PYROXD2: variants seen among roughly 807,000 people sequenced by gnomAD.
The protein encoded by PYROXD2 is pyridine nucleotide-disulphide oxidoreductase domain 2.
In PYROXD2, 69 loss-of-function variants were observed where a neutral mutation model predicts 71.1. That is an observed-to-expected ratio of 0.97 (90% CI 0.80 to 1.19). The LOEUF is 1.19. PYROXD2 is among the 50% of genes most tolerant of loss of function. PYROXD2 has a pLI of 0.00. For synonymous variants in PYROXD2, 287 were observed against 302.7 expected (o/e 0.95, Z 0.54); for missense variants, 745 against 748.9 (o/e 0.99, Z 0.06).
intron 3 of PYROXD2, 62 bp from the exon 4 acceptor site, chr10:98,407,717 G>A (rs971669639): frequency 6.5e-7 from 1 of 1,539,632 alleles, no homozygotes; most frequent in Non-Finnish European, 8.8e-7. Context: ...CCGTCACCAG[G>A]GGTCAGCAGG....
At chr10:98,392,247 C>G (rs759961636) in intron 10 of PYROXD2, among the ~76,000 whole-genome samples, 185 bp downstream of exon 10, 4 of 152,150 alleles carry the variant, frequency 2.6e-5, no homozygotes, top group African/African-American at 7.2e-5. Flanking sequence ...CTCTCTGGCC[C>G]CTTCTCCCCA....
Position 98,387,239 on chromosome 10 carries a change from G to A in PYROXD2, c.1516C>T (p.Pro506Ser). 1 of 1,614,168 alleles carries A rather than the reference G, an allele frequency of 6.2e-7. No homozygotes were observed. The highest frequency in any genetic ancestry group is 8.5e-7 in the Non-Finnish European group (1 of 1,180,010). ...DSVVGRDILT[P>S]PDLERIFGLP... ...CCGAAGATTCTCTCCAAATCTGGTG[G>A]TGTGAGGATGTCTCTGCCAACCACA... Residue 506 changes from proline to serine, a missense_variant, in exon 14 of 16, where the codon CCA (proline) becomes TCA (serine). Pro to Ser is a moderately conservative substitution (Grantham distance 74). Coordinates refer to ENST00000370575, the MANE Select transcript of PYROXD2 (RefSeq NM_032709.3).
intron 3 of PYROXD2, 91 bp from the exon 4 acceptor site, chr10:98,407,746 G>C (rs1326960996): frequency 1.6e-6 from 2 of 1,275,458 alleles, no homozygotes; most frequent in Admixed American, 4.6e-5. Context: ...CCGTCACCAG[G>C]GGTCAGCAGG....
chr10:98,405,415 G>A (rs1378144474), intron 4 of PYROXD2, among the ~76,000 whole-genome samples: 2 of 152,312 alleles, frequency 1.3e-5, no homozygotes, highest in Non-Finnish European at 2.9e-5. Context: ...GTGGCAGGGT[G>A]GGTGAGTAGT....
intron 5 of PYROXD2, among the ~76,000 whole-genome samples, chr10:98,399,790 C>T (rs189083132): frequency 1.3e-5 from 2 of 152,356 alleles, no homozygotes; most frequent in East Asian, 1.9e-4. Context: ...ATGAAGCACA[C>T]GCCAGTGTAA....
intron 14 of PYROXD2, 71 bp downstream of exon 14, chr10:98,387,130 A>G: frequency 8.8e-7 from 1 of 1,142,182 alleles, no homozygotes; most frequent in Middle Eastern, 2.0e-4. Flanking sequence ...GATAAAGCAG[A>G]GAGGTCATAG....
rs572201401 is a variant in PYROXD2 at position 98,397,471 on chromosome 10, G to A, written c.499C>T (p.His167Tyr). The change falls in exon 6 of 16, where the codon CAT (histidine) becomes TAT (tyrosine). Residue 167 changes from histidine to tyrosine, a missense_variant. Coordinates refer to ENST00000370575, the MANE Select transcript of PYROXD2 (RefSeq NM_032709.3). ...QVFPKYEEFM[H>Y]RLALAIDPLL... Reference sequence around the variant, plus strand: ...GGGTCAATGGCTAATGCCAAGCGATGCATGAACTCCTCATATTTGGGAAAG... The same window carrying A: ...GGGTCAATGGCTAATGCCAAGCGATACATGAACTCCTCATATTTGGGAAAG... 2.5e-6 allele frequency: 4 copies of A among 1,609,432 alleles called. No homozygotes were observed. The highest frequency in any genetic ancestry group is 1.1e-5 in the South Asian group (1 of 90,556).
chr10:98,393,817 G>C (rs1465729723), intron 8 of PYROXD2, among the ~76,000 whole-genome samples: 1 of 152,066 alleles, frequency 6.6e-6, no homozygotes, highest in Non-Finnish European at 1.5e-5. Context: ...TCTTCTAGCA[G>C]GCACTCCAGC....
intron 8 of PYROXD2, among the ~76,000 whole-genome samples, chr10:98,394,969 T>C (rs188948646): frequency 1.3e-5 from 2 of 152,222 alleles, no homozygotes; most frequent in Admixed American, 1.3e-4. Flanking sequence ...CCTTGCCACT[T>C]ACCAGCTGAG....
chr10:98,414,713 G>A, intron 1 of PYROXD2: 1 of 331,050 alleles, frequency 3.0e-6, no homozygotes, highest in Non-Finnish European at 5.5e-6. Flanking sequence ...AAGAGATATA[G>A]GGAAACCCCT....
At position 98,404,941 on chromosome 10, in the gene PYROXD2, G is replaced by A. The variant is rs1843545067; in HGVS notation, c.315+2641C>T. Reference sequence around the variant, plus strand: ...GAGCCCTACCTTAGAGAGATTTCCAGGAGAAAAGCAAGAGCAAAATGAATA... The same window carrying A: ...GAGCCCTACCTTAGAGAGATTTCCAAGAGAAAAGCAAGAGCAAAATGAATA... On this transcript the variant is annotated intron_variant, in intron 4 of 15. Coordinates refer to ENST00000370575, the MANE Select transcript of PYROXD2 (RefSeq NM_032709.3). Among the ~76,000 whole-genome samples the A allele has an allele frequency of 5.3e-5, 8 of 152,166 alleles. No homozygotes were observed. The South Asian group carries it at 1.7e-3, about 32-fold the overall frequency.
At chr10:98,398,164 T>C (rs1189049512) in intron 5 of PYROXD2, among the ~76,000 whole-genome samples, 1 of 152,172 alleles carries the variant, frequency 6.6e-6, no homozygotes, top group Non-Finnish European at 1.5e-5. Context: ...ATTACAGGCG[T>C]GAGCCGCCAC....
rs1021678641 is a variant in PYROXD2 at position 98,388,040 on chromosome 10, T to A, written c.1447+314A>T. 51 of 304,898 alleles carry A rather than the reference T, an allele frequency of 1.7e-4. 1 individual carries two copies. Among genetic ancestry groups the A allele is most frequent in the Non-Finnish European group, 2.9e-4 (46 of 160,810 alleles). The allele number at this position is 304,898 out of a possible 1,614,324, so 18.9% of individuals were successfully genotyped here. ...TCCCTTCCTTTGAAAGCCTTCCTTG[T>A]CTCTCTGGCTCATGCGTCTCCTTTG... On this transcript the variant is annotated intron_variant, in intron 13 of 15. Coordinates refer to ENST00000370575, the MANE Select transcript of PYROXD2 (RefSeq NM_032709.3).
At chr10:98,399,044 G>C (rs1843298288) in intron 5 of PYROXD2, among the ~76,000 whole-genome samples, 1 of 152,156 alleles carries the variant, frequency 6.6e-6, no homozygotes, top group African/African-American at 2.4e-5. Flanking sequence ...AGGTGGCTGA[G>C]GCAGGAGGAT....
intron 8 of PYROXD2, among the ~76,000 whole-genome samples, chr10:98,394,939 C>T (rs1843105921): frequency 6.6e-6 from 1 of 152,088 alleles, no homozygotes; most frequent in Non-Finnish European, 1.5e-5. Context: ...GGGAGTCAGA[C>T]ACCTCAAGCT....
In PYROXD2 at chr10:98,400,146, C is replaced by T. The variant is rs746854972; in HGVS notation, c.427G>A (p.Glu143Lys). The T allele has an allele frequency of 3.7e-6, 6 of 1,613,834 alleles. No homozygotes were observed. Among genetic ancestry groups the T allele is most frequent in the African/African-American group, 1.3e-5 (1 of 74,938 alleles). The stretch of plus-strand genomic sequence containing the variant: ...AACTGGGCGATCTGCTTCTGGTTTT[C>T]TGCCATGTCTGTGCCCAGCAGAAGG... Reference protein sequence around the residue: ...RCLLLGTDMAENQKQIAQFSQ... With the variant: ...RCLLLGTDMAKNQKQIAQFSQ... The change falls in exon 5 of 16, where the codon GAA becomes AAA. Residue 143 changes from glutamate (E) to lysine (K), a missense_variant. By Grantham distance (56) the Glu-to-Lys change is moderately conservative (BLOSUM62 1). Coordinates refer to ENST00000370575, the MANE Select transcript of PYROXD2 (RefSeq NM_032709.3).
In PYROXD2 at chr10:98,387,547, AC is replaced by A. The variant is rs561360657; in HGVS notation, c.1448-241del. Among the ~76,000 whole-genome samples, 435 of 148,680 alleles carry A rather than the reference AC, an allele frequency of 2.9e-3. 5 individuals carry two copies. The highest frequency in any genetic ancestry group is 4.2e-3 in the Non-Finnish European group (283 of 67,238). The stretch of plus-strand genomic sequence containing the variant: ...AGTCCCCAGTTTTCCCCACTTCCCT[AC>A]CCCAACCTTAAACACGAAGCTGCTG... On this transcript the variant is annotated intron_variant, in intron 13 of 15. Transcript: ENST00000370575.
At position 98,390,809 on chromosome 10, in the gene PYROXD2, A is replaced by G. The variant is rs1000875856; in HGVS notation, c.1136-55T>C. On this transcript the variant is annotated intron_variant, in intron 11 of 15. Coordinates refer to ENST00000370575, the MANE Select transcript of PYROXD2 (RefSeq NM_032709.3). ...TAGCCCCACAAGGTCCTCCCTCTAC[A>G]GCCAGCACCCTGCTACCCTCAGTGG... 22 of 1,534,740 alleles carry G rather than the reference A, an allele frequency of 1.4e-5. No homozygotes were observed. The Admixed American group carries it at 4.3e-4, about 30-fold the overall frequency.
chr10:98,407,528 G>A, intron 4 of PYROXD2, 54 bp downstream of exon 4: 21 of 1,603,378 alleles, frequency 1.3e-5, no homozygotes, highest in Non-Finnish European at 1.8e-5. Context: ...CACAGGTTGG[G>A]AAGATGGAAC....
Sources: gnomAD v4.1 joint callset for allele counts (sites outside exome capture counted in the v4.1 genomes callset) on GRCh38, gnomAD v4.1.1 for gene constraint, MANE v1.5 for transcripts, NCBI Gene and HGNC (gene_info 2026-07-23, HGNC 2026-07-21) for gene names.